Variants in WNT3 observed in about 807,000 individuals in gnomAD.
WNT3 encodes proto-oncogene Wnt-3.
A neutral mutation model predicts 34.2 loss-of-function variants in WNT3; 7 were observed. The ratio of observed to expected loss-of-function variants is 0.20; its 90% CI spans 0.12 to 0.38. The LOEUF (loss-of-function observed/expected upper bound fraction) is 0.38. Among genes scored for constraint, WNT3 ranks in the 10% least tolerant of loss-of-function variants. The probability of loss-of-function intolerance (pLI) is 1.00; values close to 1 mark genes in which losing one functional copy is unlikely to be tolerated. For synonymous variants in WNT3, 212 were observed against 211.5 expected (o/e 1.00, Z -0.02); for missense variants, 267 against 499.8 (o/e 0.53, Z 4.44).
At chr17:46,789,189 T>C (rs933278384) in intron 1 of WNT3, among the ~76,000 whole-genome samples, 3 of 152,082 alleles carry the variant, frequency 2.0e-5, no homozygotes, top group Non-Finnish European at 2.9e-5. Context: ...ATTCTCCTCT[T>C]TATGGGGGCC....
chr17:46,774,265 G>A (rs765737557), intron 1 of WNT3, among the ~76,000 whole-genome samples: 1 of 152,254 alleles, frequency 6.6e-6, no homozygotes, highest in Non-Finnish European at 1.5e-5. Context: ...CTTCCCTGAT[G>A]GGCATTGAAG....
At chr17:46,804,476 G>T (rs2146449285) in intron 1 of WNT3, among the ~76,000 whole-genome samples, 1 of 152,204 alleles carries the variant, frequency 6.6e-6, no homozygotes, top group South Asian at 2.1e-4. Context: ...CTGCCCTATG[G>T]GGAAGGGAAG....
intron 1 of WNT3, among the ~76,000 whole-genome samples, chr17:46,797,359 G>A (rs1210173205): frequency 6.6e-6 from 1 of 152,216 alleles, no homozygotes; most frequent in Non-Finnish European, 1.5e-5. Context: ...GGCAGCTCCA[G>A]GCTGGGTTTT....
intron 1 of WNT3, among the ~76,000 whole-genome samples, chr17:46,814,503 C>G (rs2084315358): frequency 6.6e-6 from 1 of 152,104 alleles, no homozygotes; most frequent in South Asian, 2.1e-4. Context: ...CCCGCCATAT[C>G]CCCCCCAGGG....
At chr17:46,765,243 G>C (rs982576400) in intron 4 of WNT3, among the ~76,000 whole-genome samples, 4 of 152,348 alleles carry the variant, frequency 2.6e-5, no homozygotes, top group Admixed American at 2.6e-4. Flanking sequence ...CCAGATTGAA[G>C]GGACACATCC....
intron 1 of WNT3, among the ~76,000 whole-genome samples, chr17:46,809,642 CCT>C (rs927200657): frequency 1.6e-4 from 24 of 152,248 alleles, no homozygotes; most frequent in Admixed American, 1.2e-3. Flanking sequence ...CCCTCGCCCC[CCT>C]CACCTCCACC....
intron 1 of WNT3, among the ~76,000 whole-genome samples, chr17:46,777,147 T>C (rs1031907256): frequency 8.6e-5 from 13 of 150,510 alleles, no homozygotes; most frequent in African/African-American, 2.9e-4. Context: ...GAGGTGGAGG[T>C]TGTTGTGAGC....
chr17:46,782,044 A>G (rs199505), intron 1 of WNT3, among the ~76,000 whole-genome samples: 128,508 of 152,228 alleles, frequency 0.84, 54,561 homozygotes, highest in East Asian at 1. Flanking sequence ...ACATGGGTGG[A>G]GCTGCAGAAG....
At chr17:46,783,961 G>C (rs1188733544) in intron 1 of WNT3, among the ~76,000 whole-genome samples, 1 of 152,202 alleles carries the variant, frequency 6.6e-6, no homozygotes, top group Non-Finnish European at 1.5e-5. Flanking sequence ...GGTGGGTGCT[G>C]GGAAAGCGGC....
At chr17:46,793,072 C>T (rs1048704030) in intron 1 of WNT3, among the ~76,000 whole-genome samples, 2 of 149,366 alleles carry the variant, frequency 1.3e-5, no homozygotes, top group Admixed American at 1.4e-4. Context: ...CAAGACTAGC[C>T]TAGCCGAGAA....
chr17:46,781,746 G>A (rs1238980248), intron 1 of WNT3, among the ~76,000 whole-genome samples: 2 of 152,146 alleles, frequency 1.3e-5, no homozygotes, highest in Non-Finnish European at 1.5e-5. Flanking sequence ...AATCAAAGGA[G>A]GGATGGTGCT....
intron 1 of WNT3, among the ~76,000 whole-genome samples, chr17:46,779,053 T>TCTCACACA (rs1310974235): frequency 3.4e-4 from 34 of 100,670 alleles, no homozygotes; most frequent in South Asian, 8.0e-4. Flanking sequence ...CCCTACCCCA[T>TCTCACACA]CACACACACA....
Position 46,768,078 on chromosome 17 carries a change from G to A in WNT3, c.*8+234C>T, listed in dbSNP as rs1399152260. ...GCTGGGATTACAGGCGTGAGCCACC[G>A]CACCCGGCCAACACTGGGTTTTTAT... On this transcript the variant is annotated intron_variant, in intron 4 of 4. Coordinates refer to ENST00000225512, the MANE Select transcript of WNT3 (RefSeq NM_030753.5). This position sits in a 1 kb window ranked among gnomAD's most constrained non-coding sequence, Gnocchi z 5.0. Among the ~76,000 whole-genome samples, 3 of 152,164 alleles carry A rather than the reference G, an allele frequency of 2.0e-5. No individual in the cohort carries two copies. Among genetic ancestry groups the A allele is most frequent in the East Asian group, 3.9e-4 (2 of 5,190 alleles).
rs1555689352 is a variant in WNT3, at chr17:46,816,475, G to GCGCACA, written c.80+2042_80+2043insTGTGCG. On this transcript the variant is annotated intron_variant, in intron 1 of 4. Transcript: ENST00000225512. ...TTAGGGTCATAGACCCAGAACACAC[G>GCGCACA]CACACACACACACACACACACACAC... is the stretch of plus-strand genomic sequence containing the variant. 4.6e-4 allele frequency among the ~76,000 whole-genome samples: 67 copies of GCGCACA among 144,362 alleles called. 1 individual carries two copies. The East Asian group carries it at 6.6e-3, about 14-fold the overall frequency. The allele number at this position is 144,362 out of a possible 152,430, so 94.7% of individuals were successfully genotyped here.
intron 1 of WNT3, among the ~76,000 whole-genome samples, chr17:46,789,977 G>T (rs552483008): frequency 6.6e-6 from 1 of 152,248 alleles, no homozygotes; most frequent in South Asian, 2.1e-4. Context: ...GCTGAGGATG[G>T]GCAGGTGAAG....
chr17:46,810,957 C>A (rs527487610), intron 1 of WNT3, among the ~76,000 whole-genome samples: 19 of 152,246 alleles, frequency 1.2e-4, no homozygotes, highest in Admixed American at 4.6e-4. Flanking sequence ...CTGGCATCTC[C>A]TTCATTCCCT....
intron 1 of WNT3, among the ~76,000 whole-genome samples, chr17:46,786,458 G>A (rs2059507442): frequency 6.6e-6 from 1 of 152,224 alleles, no homozygotes; most frequent in South Asian, 2.1e-4. Flanking sequence ...CCAGAGACGG[G>A]TAAAAGGCAG....
intron 1 of WNT3, among the ~76,000 whole-genome samples, chr17:46,790,987 C>T (rs1309408280): frequency 1.3e-5 from 2 of 152,178 alleles, no homozygotes; most frequent in East Asian, 3.9e-4. Context: ...CTGGGGTTTT[C>T]CTCTTTTCTT....
chr17:46,795,233 C>T (rs977611213), intron 1 of WNT3, among the ~76,000 whole-genome samples: 64 of 152,126 alleles, frequency 4.2e-4, no homozygotes, highest in African/African-American at 1.3e-3. Flanking sequence ...AATGTGCATC[C>T]GAAACCTCCT....
Sources: allele counts gnomAD v4.1 joint callset (sites outside exome capture counted in the v4.1 genomes callset), GRCh38; gene constraint gnomAD v4.1.1; non-coding constraint Gnocchi (gnomAD v3.1); transcripts MANE v1.5; gene names NCBI Gene and HGNC (gene_info 2026-07-23, HGNC 2026-07-21).